EPHA3: variants seen among roughly 807,000 people sequenced by gnomAD.
The protein encoded by EPHA3 is ephrin type-A receptor 3.
A neutral mutation model predicts 107.1 loss-of-function variants in EPHA3; 42 were observed. That is an observed-to-expected ratio of 0.39 (90% CI 0.31 to 0.51). The LOEUF is 0.51. Among genes scored for constraint, EPHA3 ranks in the 20% least tolerant of loss-of-function variants. The pLI, the probability that EPHA3 is intolerant of heterozygous loss-of-function variation, is 0.78. For synonymous variants in EPHA3, 461 were observed against 424.8 expected (o/e 1.09, Z -1.05); for missense variants, 1,183 against 1,211.2 (o/e 0.98, Z 0.35).
At chr3:89,264,538 A>C (rs558270146) in intron 3 of EPHA3, among the ~76,000 whole-genome samples, 21 of 152,244 alleles carry the variant, frequency 1.4e-4, no homozygotes, top group African/African-American at 4.6e-4. Flanking sequence ...AATGTAGATG[A>C]GTTCTCTTTT....
At chr3:89,238,333 T>C (rs1704820444) in intron 3 of EPHA3, among the ~76,000 whole-genome samples, 1 of 152,238 alleles carries the variant, frequency 6.6e-6, no homozygotes, top group South Asian at 2.1e-4. Context: ...TATAATCATC[T>C]CATCAAGTAA....
chr3:89,438,650 A>G (rs1709721551), intron 13 of EPHA3, among the ~76,000 whole-genome samples: 1 of 152,228 alleles, frequency 6.6e-6, no homozygotes, highest in Non-Finnish European at 1.5e-5. Flanking sequence ...TGTCATTTAT[A>G]CCTAAATGAA....
chr3:89,276,344 C>G (rs1488572064), intron 3 of EPHA3, among the ~76,000 whole-genome samples: 1 of 151,990 alleles, frequency 6.6e-6, no homozygotes, highest in Non-Finnish European at 1.5e-5. Flanking sequence ...GATGCCTCTG[C>G]CTGGGTACTT....
intron 3 of EPHA3, among the ~76,000 whole-genome samples, chr3:89,329,130 G>A (rs943267356): frequency 1.3e-5 from 2 of 152,068 alleles, no homozygotes; most frequent in Non-Finnish European, 2.9e-5. Flanking sequence ...ACTCCAAAGG[G>A]TTAATGGAAT....
intron 3 of EPHA3, among the ~76,000 whole-genome samples, chr3:89,272,715 C>T (rs1189205528): frequency 6.6e-6 from 1 of 151,930 alleles, no homozygotes; most frequent in Non-Finnish European, 1.5e-5. Context: ...ATTTTACTTA[C>T]TCTTTTTCTC....
At position 89,431,159 on chromosome 3, in the gene EPHA3, G is replaced by A; in HGVS notation, c.2146G>A (p.Ala716Thr). The stretch of plus-strand genomic sequence containing the variant: ...TTGAAATGCTTCCCAGAAACACGAT[G>A]CCCAGTTTACTGTCATTCAGCTAGT... ...SLDSFLRKHDAQFTVIQLVGM... is the reference protein window; with the variant it reads ...SLDSFLRKHDTQFTVIQLVGM... The change falls in exon 13 of 17, where the codon GCC (alanine) becomes ACC (threonine). Residue 716 changes from alanine (A) to threonine (T), a missense_variant. Coordinates refer to ENST00000336596, the MANE Select transcript of EPHA3 (RefSeq NM_005233.6). 6.2e-7 allele frequency: 1 copy of A among 1,613,306 alleles called. No individual in the cohort carries two copies. Among genetic ancestry groups the A allele is most frequent in the Non-Finnish European group, 8.5e-7 (1 of 1,179,714 alleles).
At chr3:89,168,321 T>A (rs1705126839) in intron 2 of EPHA3, among the ~76,000 whole-genome samples, 1 of 152,136 alleles carries the variant, frequency 6.6e-6, no homozygotes, top group Admixed American at 6.5e-5. Flanking sequence ...AGCAGATAAC[T>A]TTGACAACTG....
At position 89,431,234 on chromosome 3, in the gene EPHA3, G is replaced by T. The variant is rs763688148; in HGVS notation, c.2221G>T (p.Gly741Cys). ...TGGCATGAAGTACCTGTCAGACATG[G>T]GCTATGTTCACCGAGACCTCGCTGC... ...ASGMKYLSDM[G>C]YVHRDLAARN... The change falls in exon 13 of 17, where the codon GGC (glycine) becomes TGC (cysteine). Residue 741 changes from glycine to cysteine, a missense_variant. By Grantham distance (159) the Gly-to-Cys change is radical. Coordinates refer to ENST00000336596, the MANE Select transcript of EPHA3 (RefSeq NM_005233.6). The T allele has an allele frequency of 1.1e-5, 18 of 1,613,600 alleles. No homozygotes were observed. In the South Asian group the frequency reaches 1.8e-4, roughly 16 times the overall value.
intron 5 of EPHA3, among the ~76,000 whole-genome samples, chr3:89,351,540 C>G (rs1382657220): frequency 6.6e-6 from 1 of 150,522 alleles, no homozygotes; most frequent in South Asian, 2.1e-4. Flanking sequence ...GAGATGAACC[C>G]GGTACCTCAG....
rs1156723102 is a variant in EPHA3, at chr3:89,243,858, C to T, written c.814+33338C>T. On this transcript the variant is annotated intron_variant, in intron 3 of 16. Transcript: ENST00000336596. Reference sequence around the variant, plus strand: ...GCCATTTGGTGAGACATTATGTAAACGTTATCCCACTGCCAGGACTCATTT... The same window carrying T: ...GCCATTTGGTGAGACATTATGTAAATGTTATCCCACTGCCAGGACTCATTT... Among the ~76,000 whole-genome samples the T allele has an allele frequency of 2.6e-5, 4 of 152,040 alleles. No homozygotes were observed. The South Asian group carries it at 6.2e-4, about 24-fold the overall frequency.
At chr3:89,132,219 C>T (rs957213042) in intron 2 of EPHA3, among the ~76,000 whole-genome samples, 6 of 152,148 alleles carry the variant, frequency 3.9e-5, no homozygotes, top group African/African-American at 1.4e-4. Context: ...GCCCAGTGAG[C>T]ATAAGAGAAG....
intron 3 of EPHA3, among the ~76,000 whole-genome samples, chr3:89,217,943 TACTGGAGAGG>T (rs1704256855): frequency 6.6e-6 from 1 of 152,186 alleles, no homozygotes; most frequent in South Asian, 2.1e-4. Flanking sequence ...CTCTGATAGT[TACTGGAGAGG>T]AAAATTTGTA....
intron 5 of EPHA3, among the ~76,000 whole-genome samples, chr3:89,345,695 C>T (rs111477928): frequency 0.047 from 6,820 of 144,188 alleles, 607 homozygotes; most frequent in African/African-American, 0.16. Flanking sequence ...ATACATGTGC[C>T]GTGCTGGTGC....
In EPHA3 at chr3:89,209,982, T is replaced by A. The variant is rs2107181029; in HGVS notation, c.276T>A (p.Ala92=). 1 of 1,613,936 alleles carries A rather than the reference T, an allele frequency of 6.2e-7. No homozygotes were observed. Among genetic ancestry groups the A allele is most frequent in the Non-Finnish European group, 8.5e-7 (1 of 1,179,918 alleles). The change falls in exon 3 of 17, where the codon GCT becomes GCA. Residue 92 remains alanine (A), a synonymous_variant. Coordinates refer to ENST00000336596, the MANE Select transcript of EPHA3 (RefSeq NM_005233.6). ...LRTNWVPRNS[A]QKIYVELKFT... ...CAAACTGGGTCCCCAGGAACTCAGC[T>A]CAGAAGATTTATGTGGAGCTCAAGT...
chr3:89,195,862 T>C (rs1705826550), intron 2 of EPHA3, among the ~76,000 whole-genome samples: 1 of 152,164 alleles, frequency 6.6e-6, no homozygotes, highest in African/African-American at 2.4e-5. Flanking sequence ...TCACGAGTGA[T>C]GAGAAAAACT....
At chr3:89,320,802 T>G (rs549225796) in intron 3 of EPHA3, among the ~76,000 whole-genome samples, 1 of 152,192 alleles carries the variant, frequency 6.6e-6, no homozygotes, top group East Asian at 1.9e-4. Context: ...AATGTTACTA[T>G]TCACCAAAAT....
rs1707831954 is a variant in EPHA3 at position 89,351,932 on chromosome 3, A to AG, written c.1306+9842_1306+9843insG. Among the ~76,000 whole-genome samples, 3 of 150,986 alleles carry AG rather than the reference A, an allele frequency of 2.0e-5. No homozygotes were observed. The South Asian group carries it at 6.3e-4, about 32-fold the overall frequency. On this transcript the variant is annotated intron_variant, in intron 5 of 16. Coordinates refer to ENST00000336596, the MANE Select transcript of EPHA3 (RefSeq NM_005233.6). ...GTAAATTCAAGGCAGATGCAAAAAA[A>AG]AAAAAAAAAGTGGAGAAGGAAGAAG...
At chr3:89,360,545 C>G (rs1212848377) in intron 5 of EPHA3, among the ~76,000 whole-genome samples, 1 of 151,018 alleles carries the variant, frequency 6.6e-6, no homozygotes, top group East Asian at 1.9e-4. Flanking sequence ...AACTGTATAT[C>G]TACATCAGCA....
At chr3:89,257,502 A>G (rs1352881020) in intron 3 of EPHA3, among the ~76,000 whole-genome samples, 1 of 152,050 alleles carries the variant, frequency 6.6e-6, no homozygotes, top group East Asian at 1.9e-4. Flanking sequence ...TCCTCATTTG[A>G]AGCAGAGAAA....
Sources: gnomAD v4.1 joint callset for allele counts (sites outside exome capture counted in the v4.1 genomes callset) on GRCh38, gnomAD v4.1.1 for gene constraint, MANE v1.5 for transcripts, NCBI Gene and HGNC (gene_info 2026-07-23, HGNC 2026-07-21) for gene names.